SHANK2: variants seen among roughly 807,000 people sequenced by gnomAD.
SHANK2 encodes the protein SH3 and multiple ankyrin repeat domains 2.
A neutral mutation model predicts 133.7 loss-of-function variants in SHANK2; 43 were observed. The ratio of observed to expected loss-of-function variants is 0.32; its 90% confidence interval spans 0.25 to 0.41. The LOEUF (loss-of-function observed/expected upper bound fraction) is 0.41. Ranked by LOEUF, SHANK2 falls within the 10% of genes least tolerant of loss-of-function variation. The pLI, the probability that SHANK2 is intolerant of heterozygous loss-of-function variation, is 1.00. For missense variants in SHANK2, 1,994 were observed against 2,235.8 expected (o/e 0.89, Z 2.18); for synonymous variants, 1,017 against 952.8 (o/e 1.07, Z -1.24).
rs1953423172 is a variant in SHANK2 at position 71,175,580 on chromosome 11, GAGAGAGAGAGAGAGAGAGAGAGAC to G, written c.-12-28266_-12-28243del. On this transcript the variant is annotated intron_variant, in intron 2 of 25. Coordinates refer to ENST00000601538, the MANE Select transcript of SHANK2 (RefSeq NM_012309.5). The surrounding 1 kb of genome is among the most constrained non-coding windows in gnomAD (Gnocchi z 4.2). ...AGAGAGAGAGAGAGAGAGAGAGAGA[GAGAGAGAGAGAGAGAGAGAGAGAC>G]AGAGACAGAGACATCGCTTCCAGCC... Among the ~76,000 whole-genome samples the G allele has an allele frequency of 2.2e-5, 3 of 137,352 alleles. No individual in the cohort carries two copies. The highest frequency in any genetic ancestry group is 5.6e-5 in the African/African-American group (2 of 35,908). 90.1% of individuals were successfully genotyped at this position (137,352 alleles called of 152,430 possible).
At chr11:70,928,238 G>C (rs1950455888) in intron 10 of SHANK2, among the ~76,000 whole-genome samples, 1 of 152,152 alleles carries the variant, frequency 6.6e-6, no homozygotes, top group Non-Finnish European at 1.5e-5. Flanking sequence ...CCCAGCCATG[G>C]AGCTGCCCCC....
chr11:70,727,342 T>C (rs1282083694), intron 14 of SHANK2, among the ~76,000 whole-genome samples: 2 of 152,220 alleles, frequency 1.3e-5, no homozygotes, highest in Admixed American at 6.5e-5. Flanking sequence ...ACTTCACATA[T>C]GAACTGCTAT....
chr11:70,687,736 C>G (rs782803857), intron 15 of SHANK2, among the ~76,000 whole-genome samples: 1 of 152,182 alleles, frequency 6.6e-6, no homozygotes, highest in African/African-American at 2.4e-5. Flanking sequence ...AAGATTCCTG[C>G]GCAGCTACAG....
intron 8 of SHANK2, among the ~76,000 whole-genome samples, chr11:71,089,519 G>A (rs1335521404): frequency 6.6e-6 from 1 of 152,024 alleles, no homozygotes; most frequent in Non-Finnish European, 1.5e-5. Flanking sequence ...AACACCAGGG[G>A]CTTGCATCAG....
chr11:70,633,602 T>G (rs1402480775), intron 17 of SHANK2: 1 of 152,230 alleles, frequency 6.6e-6, no homozygotes, highest in African/African-American at 2.4e-5. Context: ...TCTCAGCTCA[T>G]CACTGCGAAG....
chr11:71,210,131 CA>C (rs1954225213), intron 2 of SHANK2, among the ~76,000 whole-genome samples: 1 of 147,346 alleles, frequency 6.8e-6, no homozygotes, highest in African/African-American at 2.5e-5. Context: ...CCAGGGGCTG[CA>C]AAACCATCCC....
intron 2 of SHANK2, among the ~76,000 whole-genome samples, chr11:71,161,162 A>G (rs1281508687): frequency 6.6e-6 from 1 of 152,234 alleles, no homozygotes; most frequent in African/African-American, 2.4e-5. Context: ...TTCAGGCACA[A>G]CTGACCAGCA....
At chr11:70,890,478 AAAAAAAAAACAAAAAAAAC>A (rs1565386754) in intron 11 of SHANK2, among the ~76,000 whole-genome samples, 2 of 3,520 alleles carry the variant, frequency 5.7e-4, no homozygotes, top group Non-Finnish European at 0.017. Context: ...GTCTCTACTA[AAAAAAAAAACAAAAAAAAC>A]AAAAAAAACA....
rs541493789 is a variant in SHANK2, at chr11:70,470,938, A to G, written c.*1931T>C. 4 of 209,708 alleles carry G rather than the reference A, an allele frequency of 1.9e-5. No individual in the cohort carries two copies. In the South Asian group the frequency reaches 5.7e-4, roughly 30 times the overall value. The allele number at this position is 209,708 out of a possible 1,614,324, so 13.0% of individuals were successfully genotyped here. A position where few individuals can be genotyped will look rare whatever the true frequency, so the allele number is the denominator to read the frequency against. On this transcript the variant is annotated 3_prime_UTR_variant, in exon 26 of 26. Transcript: ENST00000601538. Reference sequence around the variant, plus strand: ...ACCACTTTGAAGAAATTGTCCTTCAATGACGAAGTTCTAGCAAAGATAGAA... The same window carrying G: ...ACCACTTTGAAGAAATTGTCCTTCAGTGACGAAGTTCTAGCAAAGATAGAA...
chr11:71,189,320 G>C (rs1198694584), intron 2 of SHANK2, among the ~76,000 whole-genome samples: 1 of 152,212 alleles, frequency 6.6e-6, no homozygotes, highest in East Asian at 1.9e-4. Flanking sequence ...TGACCAATCA[G>C]TGCCTGTGTA....
At position 70,746,121 on chromosome 11, in the gene SHANK2, C is replaced by T. The variant is rs574258729; in HGVS notation, c.1778-47358G>A. Among the ~76,000 whole-genome samples the T allele has an allele frequency of 1.7e-4, 26 of 152,338 alleles. No homozygotes were observed. In the South Asian group the frequency reaches 5.4e-3, roughly 32 times the overall value. On this transcript the variant is annotated intron_variant, in intron 14 of 25. Transcript: ENST00000601538. ...CTGCTGGGTCAGAATCTCACACCCA[C>T]GCTTCAAAGGTGACTCTGACACGGT...
intron 11 of SHANK2, among the ~76,000 whole-genome samples, chr11:70,890,685 C>T (rs1468580438): frequency 6.6e-6 from 1 of 151,528 alleles, no homozygotes; most frequent in Non-Finnish European, 1.5e-5. Context: ...TGTAATCCTA[C>T]CTACTCGGGA....
chr11:71,065,488 A>G (rs1951040160), intron 9 of SHANK2, among the ~76,000 whole-genome samples: 2 of 122,600 alleles, frequency 1.6e-5, no homozygotes, highest in Admixed American at 8.8e-5. Context: ...TTCCAGGGAG[A>G]TGAGCAGTGA....
intron 2 of SHANK2, among the ~76,000 whole-genome samples, chr11:71,219,077 C>A (rs533603978): frequency 3.2e-4 from 48 of 152,186 alleles, no homozygotes; most frequent in Non-Finnish European, 5.7e-4. Context: ...CGTGCAATGT[C>A]CCACATACCA....
At chr11:70,616,973 T>G (rs1256801641) in intron 17 of SHANK2, among the ~76,000 whole-genome samples, 1 of 152,078 alleles carries the variant, frequency 6.6e-6, no homozygotes, top group Non-Finnish European at 1.5e-5. Context: ...TGTGAGACAG[T>G]GTCTGAGAGT....
At chr11:70,902,794 G>A (rs1309949689) in intron 10 of SHANK2, among the ~76,000 whole-genome samples, 1 of 152,158 alleles carries the variant, frequency 6.6e-6, no homozygotes, top group African/African-American at 2.4e-5. Flanking sequence ...GTTGGCACTG[G>A]GATTAACAAG....
intron 21 of SHANK2, among the ~76,000 whole-genome samples, chr11:70,499,311 G>A (rs1372134944): frequency 6.6e-6 from 1 of 152,212 alleles, no homozygotes; most frequent in Non-Finnish European, 1.5e-5. Flanking sequence ...GTTATATCTG[G>A]GGTTGAGGCT....
intron 11 of SHANK2, among the ~76,000 whole-genome samples, chr11:70,880,650 C>T (rs534697367): frequency 6.6e-6 from 1 of 152,336 alleles, no homozygotes; most frequent in South Asian, 2.1e-4. Flanking sequence ...GGGCTTGTGC[C>T]CTATGCTGGG....
intron 17 of SHANK2, among the ~76,000 whole-genome samples, chr11:70,655,151 G>T (rs187230185): frequency 6.2e-4 from 95 of 152,258 alleles, no homozygotes; most frequent in African/African-American, 2.2e-3. Flanking sequence ...CTACCACATT[G>T]ATTGTGAAAA....
Sources: allele counts gnomAD v4.1 joint callset (sites outside exome capture counted in the v4.1 genomes callset), GRCh38; gene constraint gnomAD v4.1.1; non-coding constraint Gnocchi (gnomAD v3.1); transcripts MANE v1.5; gene names NCBI Gene and HGNC (gene_info 2026-07-23, HGNC 2026-07-21).